Variants in USP9X observed in about 807,000 individuals in gnomAD.
The protein encoded by USP9X is ubiquitin specific peptidase 9 X-linked, also known as ubiquitin carboxyl-terminal hydrolase 9X.
A neutral mutation model predicts 190.3 loss-of-function variants in USP9X; 7 were observed. That is an observed-to-expected ratio of 0.04 (90% CI 0.02 to 0.07). The LOEUF (loss-of-function observed/expected upper bound fraction) is 0.07, where lower values mean the gene tolerates loss of function less well. Ranked by LOEUF, USP9X falls within the 10% of genes least tolerant of loss-of-function variation. The pLI, the probability that USP9X is intolerant of heterozygous loss-of-function variation, is 1.00. For missense variants in USP9X, 1,010 were observed against 1,916.9 expected, an observed-to-expected ratio of 0.53 and a Z score of 8.83; for synonymous variants, 645 against 659.5, an observed-to-expected ratio of 0.98 and a Z score of 0.34.
chrX:41,235,460 TCTTC>T lies in USP9X; in HGVS notation c.*2940_*2943del, dbSNP rs1826223674. 2 of 112,889 alleles carry T rather than the reference TCTTC, an allele frequency of 1.8e-5. No homozygotes were observed. The highest frequency in any genetic ancestry group is 7.2e-4 in the South Asian group (2 of 2,781). The allele number at this position is 112,889 out of a possible 1,213,427, so 9.3% of individuals were successfully genotyped here. ...TTTTAAATGTTTGCGGAATCGCCAG[TCTTC>T]CTTTGAAAGAAACAGCCCCCAGAAT... On this transcript the variant is annotated 3_prime_UTR_variant, in exon 45 of 45. Coordinates refer to ENST00000378308, the MANE Select transcript of USP9X (RefSeq NM_001039591.3).
rs1367158372 is a variant in USP9X, at chrX:41,091,167, TAAA to T, written c.-159+5063_-159+5065del. On this transcript the variant is annotated intron_variant, in intron 1 of 44. Coordinates refer to ENST00000378308, the MANE Select transcript of USP9X (RefSeq NM_001039591.3). Reference sequence around the variant, plus strand: ...GGAGAGATTGGATTAAGTTGTTATTTAAAAAAACTTTGTTATGGTATATGCCAA... The same window carrying T: ...GGAGAGATTGGATTAAGTTGTTATTTAAAACTTTGTTATGGTATATGCCAA... 2.0e-4 allele frequency among the ~76,000 whole-genome samples: 21 copies of T among 104,234 alleles called. No individual in the cohort carries two copies. The East Asian group carries it at 6.1e-3, about 30-fold the overall frequency. 90.5% of individuals were successfully genotyped at this position (104,234 alleles called of 115,157 possible).
At chrX:41,200,948 T>A in intron 30 of USP9X, 112 bp from the exon 31 acceptor site, 1 of 749,659 alleles carries the variant, frequency 1.3e-6, no homozygotes. Context: ...TGCTGTAGGG[T>A]TAGTCGAATT....
At chrX:41,218,740 T>C in intron 37 of USP9X, 143 bp downstream of exon 37, 1 of 538,378 alleles carries the variant, frequency 1.9e-6, no homozygotes, top group Non-Finnish European at 3.0e-6. Context: ...TGAGTTCCAT[T>C]TAATATTACT....
chrX:41,151,068 T>C lies in USP9X; in HGVS notation c.1763+11T>C. Reference sequence around the variant, plus strand: ...GCCTCAAAATTTGAGGTAAGACTTTTTAACATAGAAAATTTCAATACTTAA... The same window carrying C: ...GCCTCAAAATTTGAGGTAAGACTTTCTAACATAGAAAATTTCAATACTTAA... On this transcript the variant is annotated intron_variant, in intron 13 of 44. Transcript: ENST00000378308. 4.2e-6 allele frequency: 5 copies of C among 1,185,205 alleles called. No homozygotes were observed. Among genetic ancestry groups the C allele is most frequent in the Non-Finnish European group, 4.5e-6 (4 of 882,806 alleles).
Position 41,136,795 on chromosome X carries a change from G to A in USP9X, c.436-9G>A. 8.4e-7 allele frequency: 1 copy of A among 1,192,357 alleles called. No homozygotes were observed. Among genetic ancestry groups the A allele is most frequent in the Non-Finnish European group, 1.1e-6 (1 of 878,800 alleles). On this transcript the variant is annotated splice_polypyrimidine_tract_variant and intron_variant, in intron 5 of 44. Coordinates refer to ENST00000378308, the MANE Select transcript of USP9X (RefSeq NM_001039591.3). The stretch of plus-strand genomic sequence containing the variant: ...ATCTTGTAAATCGCCTTTCCCCCTT[G>A]TATAACAGAGGTGTATTATTAACAA...
Position 41,216,153 on chromosome X carries a change from A to G in USP9X, c.5586A>G (p.Lys1862=), listed in dbSNP as rs1363132473. 1 of 1,209,847 alleles carries G rather than the reference A, an allele frequency of 8.3e-7. No individual in the cohort carries two copies. The highest frequency in any genetic ancestry group is 1.1e-6 in the Non-Finnish European group (1 of 895,275). The part of the protein sequence containing the change: ...QSESETAGST[K]YRLVGVLVHS... ...AAAGTGAGACAGCAGGAAGCACAAA[A>G]TACAGACTTGTGGGTGTGCTCGTAC... The change falls in exon 35 of 45, where the codon AAA becomes AAG. Residue 1862 remains lysine (K), a synonymous_variant. Coordinates refer to ENST00000378308, the MANE Select transcript of USP9X (RefSeq NM_001039591.3).
In USP9X at chrX:41,186,705, T is replaced by C. The variant is rs189719396; in HGVS notation, c.3684+63T>C. 1.3e-5 allele frequency: 15 copies of C among 1,125,017 alleles called. No individual in the cohort carries two copies. In the African/African-American group the frequency reaches 2.3e-4, roughly 18 times the overall value. 92.7% of individuals were successfully genotyped at this position (1,125,017 alleles called of 1,213,427 possible). A position where few individuals can be genotyped will look rare whatever the true frequency, so the allele number is the denominator to read the frequency against. On this transcript the variant is annotated intron_variant, in intron 24 of 44. Coordinates refer to ENST00000378308, the MANE Select transcript of USP9X (RefSeq NM_001039591.3). ...TCCTAGGCCCACTTATTTTAATCAC[T>C]GTCTCATTCTATAGATAATGTCCCC...
rs2062613485 is a variant in USP9X, at chrX:41,159,855, C to T, written c.1898-2935C>T. On this transcript the variant is annotated intron_variant, in intron 14 of 44. Transcript: ENST00000378308. ...CCATTTTTATATGAAATGCCTCAGA[C>T]TTAAGCAGGGAGAACAAAGGGAGAG... Among the ~76,000 whole-genome samples the T allele has an allele frequency of 2.7e-5, 3 of 111,286 alleles. No homozygotes were observed. The South Asian group carries it at 1.1e-3, about 42-fold the overall frequency.
chrX:41,203,708 A>T (rs1452800954), intron 31 of USP9X, among the ~76,000 whole-genome samples: 2 of 109,659 alleles, frequency 1.8e-5, no homozygotes, highest in Non-Finnish European at 3.8e-5. Flanking sequence ...ATTATTTATT[A>T]TTTTTTTCAG....
At chrX:41,227,519 C>T (rs966704476) in intron 41 of USP9X, among the ~76,000 whole-genome samples, 3 of 111,655 alleles carry the variant, frequency 2.7e-5, no homozygotes. Flanking sequence ...CTTACTTTGA[C>T]TTTAAACATA....
At chrX:41,217,425 C>G in intron 36 of USP9X, 82 bp downstream of exon 36, 1 of 1,034,847 alleles carries the variant, frequency 9.7e-7, no homozygotes, top group Non-Finnish European at 1.3e-6. Flanking sequence ...TTTTCTAAAC[C>G]AAGAGAATTT....
At chrX:41,124,206 G>A (rs1417721510) in intron 2 of USP9X, among the ~76,000 whole-genome samples, 1 of 111,596 alleles carries the variant, frequency 9.0e-6, no homozygotes, top group Non-Finnish European at 1.9e-5. Flanking sequence ...AGCACTTTGG[G>A]AGGCTGAGGC....
Position 41,173,704 on chromosome X carries a change from T to C in USP9X, c.3148+1746T>C, listed in dbSNP as rs779986120. Reference sequence around the variant, plus strand: ...AGATATAGTTCAAACTCAGATATAGTCAGCCCTCCATATACATGGGTTCTG... The same window carrying C: ...AGATATAGTTCAAACTCAGATATAGCCAGCCCTCCATATACATGGGTTCTG... On this transcript the variant is annotated intron_variant, in intron 21 of 44. Transcript: ENST00000378308. Among the ~76,000 whole-genome samples the C allele has an allele frequency of 2.7e-5, 3 of 112,234 alleles. No homozygotes were observed. In the East Asian group the frequency reaches 8.4e-4, roughly 32 times the overall value.
intron 21 of USP9X, among the ~76,000 whole-genome samples, chrX:41,178,082 A>G (rs1292514658): frequency 5.8e-5 from 5 of 85,947 alleles, no homozygotes; most frequent in Admixed American, 1.4e-4. Flanking sequence ...CGAGGTTTAA[A>G]TCTTTTTTTT....
chrX:41,213,369 G>A (rs773029524), intron 33 of USP9X, among the ~76,000 whole-genome samples: 1 of 111,985 alleles, frequency 8.9e-6, no homozygotes, highest in African/African-American at 3.2e-5. Flanking sequence ...TCTCAGTACA[G>A]TATTCATTGA....
intron 32 of USP9X, among the ~76,000 whole-genome samples, chrX:41,205,931 C>A (rs1227107177): frequency 1.3e-4 from 12 of 91,233 alleles, no homozygotes; most frequent in East Asian, 7.1e-4. Context: ...GCTCTTGTTG[C>A]CCAGGCTGGA....
chrX:41,152,778 CT>C lies in USP9X; in HGVS notation c.1764-166del, dbSNP rs3214315. ...AATAATAATGTAATAAATGTCTTATCTTTTGAAGAGTTTAAGTTGGTTGTGA... is the reference window on the plus strand; with the variant it reads ...AATAATAATGTAATAAATGTCTTATCTTTGAAGAGTTTAAGTTGGTTGTGA... On this transcript the variant is annotated intron_variant, in intron 13 of 44. Coordinates refer to ENST00000378308, the MANE Select transcript of USP9X (RefSeq NM_001039591.3). 0.19 allele frequency among the ~76,000 whole-genome samples: 21,392 copies of C among 110,854 alleles called. 1,583 individuals carry two copies. The highest frequency in any genetic ancestry group is 0.26 in the Admixed American group (2,752 of 10,419).
chrX:41,116,134 T>C (rs1330502390), intron 1 of USP9X, among the ~76,000 whole-genome samples: 1 of 112,169 alleles, frequency 8.9e-6, no homozygotes, highest in Admixed American at 9.5e-5. Flanking sequence ...GAAAATGTGT[T>C]GTGTGTTGTA....
chrX:41,209,123 G>A (rs1348933911), intron 32 of USP9X, among the ~76,000 whole-genome samples: 26 of 111,529 alleles, frequency 2.3e-4, no homozygotes, highest in Admixed American at 9.6e-5. Flanking sequence ...ACTTATGTAT[G>A]ATACAGTTAT....
Sources: gnomAD v4.1 joint callset for allele counts (sites outside exome capture counted in the v4.1 genomes callset) on GRCh38, gnomAD v4.1.1 for gene constraint, MANE v1.5 for transcripts, NCBI Gene and HGNC (gene_info 2026-07-23, HGNC 2026-07-21) for gene names.